NDC1: variants seen among roughly 807,000 people sequenced by gnomAD.
The protein encoded by NDC1 is NDC1 transmembrane nucleoporin.
NDC1 carries 24 observed loss-of-function variants against 89.8 expected under a neutral mutation model. The observed-to-expected ratio is 0.27, with a 90% CI of 0.19 to 0.38. The LOEUF (loss-of-function observed/expected upper bound fraction) is 0.38. NDC1 is among the 10% of genes least tolerant of loss of function. The probability of loss-of-function intolerance (pLI) is 1.00; values close to 1 mark genes in which losing one functional copy is unlikely to be tolerated. For missense variants in NDC1, 728 were observed against 797.6 expected (o/e 0.91, Z 1.05); for synonymous variants, 296 against 284.8 (o/e 1.04, Z -0.39).
intron 16 of NDC1, 34 bp from the exon 17 acceptor site, chr1:53,772,523 T>C (rs984824870): frequency 6.2e-7 from 1 of 1,601,390 alleles, no homozygotes; most frequent in Admixed American, 1.7e-5. Context: ...CAGTTTAGAT[T>C]ATAAAGAAAG....
At chr1:53,794,133 AC>A (rs1647617002) in intron 13 of NDC1, among the ~76,000 whole-genome samples, 1 of 151,628 alleles carries the variant, frequency 6.6e-6, no homozygotes, top group Non-Finnish European at 1.5e-5. Flanking sequence ...GCACCACCAC[AC>A]CCAGCTAATT....
At chr1:53,819,678 G>T (rs114225008) in intron 5 of NDC1, among the ~76,000 whole-genome samples, 1,987 of 152,282 alleles carry the variant, frequency 0.013, 50 homozygotes, top group African/African-American at 0.045. Flanking sequence ...CAAAAAAATG[G>T]GAGGCAGTGA....
chr1:53,823,019 A>G (rs1648726970), intron 5 of NDC1, among the ~76,000 whole-genome samples: 1 of 152,178 alleles, frequency 6.6e-6, no homozygotes, highest in African/African-American at 2.4e-5. Flanking sequence ...TGAAAGAAAG[A>G]TAAGCTACGG....
At chr1:53,791,633 A>T (rs530807969) in intron 14 of NDC1, among the ~76,000 whole-genome samples, 3 of 152,284 alleles carry the variant, frequency 2.0e-5, no homozygotes, top group South Asian at 2.1e-4. Context: ...ATTAAGTTAC[A>T]TTTTTTAACA....
intron 17 of NDC1, 93 bp downstream of exon 17, chr1:53,772,236 C>T (rs1647119663): frequency 4.4e-6 from 5 of 1,125,574 alleles, no homozygotes; most frequent in South Asian, 1.6e-5. Flanking sequence ...CAAAAGAACA[C>T]TTTCAACACA....
chr1:53,801,848 T>C (rs926849334), intron 10 of NDC1, among the ~76,000 whole-genome samples: 1 of 152,114 alleles, frequency 6.6e-6, no homozygotes, highest in Non-Finnish European at 1.5e-5. Context: ...CCTCTGCCTC[T>C]GGGGTTCAAG....
At chr1:53,792,167 C>T (rs1466986359) in intron 14 of NDC1, among the ~76,000 whole-genome samples, 1 of 152,104 alleles carries the variant, frequency 6.6e-6, no homozygotes, top group Non-Finnish European at 1.5e-5. Flanking sequence ...TGGTCTTGAT[C>T]TCCTGACCTC....
intron 10 of NDC1, among the ~76,000 whole-genome samples, chr1:53,803,668 C>T (rs1486406017): frequency 1.3e-5 from 2 of 152,154 alleles, no homozygotes; most frequent in African/African-American, 4.8e-5. Flanking sequence ...GCCTCCCAGG[C>T]TCACGCCATT....
chr1:53,835,553 A>C lies in NDC1; in HGVS notation c.125T>G (p.Val42Gly). 6.2e-7 allele frequency: 1 copy of C among 1,613,134 alleles called. No individual in the cohort carries two copies. Among genetic ancestry groups the C allele is most frequent in the Non-Finnish European group, 8.5e-7 (1 of 1,179,186 alleles). ...SVLFLPICTTVFIIFSRIDLF... is the reference protein window; with the variant it reads ...SVLFLPICTTGFIIFSRIDLF... ...ATCAATCCTGCTGAAAATTATAAATACTGTGGTGCAGATGGGTAGAAATAG... is the reference window on the plus strand; with the variant it reads ...ATCAATCCTGCTGAAAATTATAAATCCTGTGGTGCAGATGGGTAGAAATAG... Residue 42 changes from valine (V) to glycine (G), a missense_variant, in exon 2 of 18, where the codon GTA (valine) becomes GGA (glycine). Physicochemically the swap from Val to Gly is moderately radical, Grantham distance 109. Coordinates refer to ENST00000371429, the MANE Select transcript of NDC1 (RefSeq NM_018087.5).
At position 53,838,287 on chromosome 1, in the gene NDC1, C is replaced by A; in HGVS notation, c.-26G>T. 1 of 1,521,080 alleles carries A rather than the reference C, an allele frequency of 6.6e-7. No individual in the cohort carries two copies. Among genetic ancestry groups the A allele is most frequent in the Non-Finnish European group, 8.8e-7 (1 of 1,135,462 alleles). 94.2% of individuals were successfully genotyped at this position (1,521,080 alleles called of 1,614,324 possible). On this transcript the variant is annotated 5_prime_UTR_variant, in exon 1 of 18. Transcript: ENST00000371429. ...GGAGATGGCGGCCCCTAGTCTAGGG[C>A]GTACAGGAGACCGTGCGCCCGCCCG...
At chr1:53,814,409 A>G (rs1648413108) in intron 6 of NDC1, among the ~76,000 whole-genome samples, 1 of 152,150 alleles carries the variant, frequency 6.6e-6, no homozygotes, top group African/African-American at 2.4e-5. Context: ...AATGACAATA[A>G]TGACACAACC....
At chr1:53,818,392 G>T (rs778688692) in intron 6 of NDC1, among the ~76,000 whole-genome samples, 1 of 150,636 alleles carries the variant, frequency 6.6e-6, no homozygotes, top group Non-Finnish European at 1.5e-5. Context: ...AGTGAGCCAA[G>T]ATCGCGCCAT....
chr1:53,793,051 AGATGT>A (rs1647575072), intron 14 of NDC1, among the ~76,000 whole-genome samples, 173 bp downstream of exon 14: 2 of 152,232 alleles, frequency 1.3e-5, no homozygotes. Flanking sequence ...CACTGAAGTG[AGATGT>A]GTGTCTAGGG....
chr1:53,789,113 A>C lies in NDC1; in HGVS notation c.1699+20T>G. On this transcript the variant is annotated intron_variant, in intron 15 of 17. Transcript: ENST00000371429. ...AACTGACAATTAAAATCATAGTTAC[A>C]GTTCACAGTCATTGCTTACCTTCTA... is the stretch of plus-strand genomic sequence containing the variant. The C allele has an allele frequency of 6.7e-7, 1 of 1,503,662 alleles. No individual in the cohort carries two copies. 93.1% of individuals were successfully genotyped at this position (1,503,662 alleles called of 1,614,324 possible). A position where few individuals can be genotyped will look rare whatever the true frequency, so the allele number is the denominator to read the frequency against.
At chr1:53,822,743 T>C (rs1269635669) in intron 5 of NDC1, among the ~76,000 whole-genome samples, 4 of 152,060 alleles carry the variant, frequency 2.6e-5, no homozygotes, top group African/African-American at 9.7e-5. Context: ...AAAATAATGA[T>C]GATATAAACA....
chr1:53,799,243 T>A (rs1281041942), intron 11 of NDC1, among the ~76,000 whole-genome samples: 1 of 152,230 alleles, frequency 6.6e-6, no homozygotes, highest in Non-Finnish European at 1.5e-5. Flanking sequence ...TTATATTGTA[T>A]CATTATTTGT....
intron 14 of NDC1, among the ~76,000 whole-genome samples, chr1:53,790,032 G>A (rs1350362731): frequency 3.3e-5 from 5 of 151,928 alleles, no homozygotes; most frequent in Non-Finnish European, 5.9e-5. Flanking sequence ...GAATCCAGGA[G>A]GTCGAGATTG....
At chr1:53,778,489 AC>A (rs1299013155) in intron 16 of NDC1, among the ~76,000 whole-genome samples, 1 of 152,152 alleles carries the variant, frequency 6.6e-6, no homozygotes, top group Admixed American at 6.6e-5. Context: ...ATGGTGGCTC[AC>A]GCCTGTAATC....
chr1:53,825,944 GA>G lies in NDC1; in HGVS notation c.456-9del, dbSNP rs758747389. ...GCAGCAGGGCTACCAAAGCTGAAGG[GA>G]AAAAATTAAGTTATTAATTCAACAG... On this transcript the variant is annotated splice_polypyrimidine_tract_variant and intron_variant, in intron 4 of 17. Coordinates refer to ENST00000371429, the MANE Select transcript of NDC1 (RefSeq NM_018087.5). 4 of 1,608,732 alleles carry G rather than the reference GA, an allele frequency of 2.5e-6. No homozygotes were observed. The highest frequency in any genetic ancestry group is 2.7e-5 in the African/African-American group (2 of 74,776).
Sources: allele counts gnomAD v4.1 joint callset (sites outside exome capture counted in the v4.1 genomes callset), GRCh38; gene constraint gnomAD v4.1.1; transcripts MANE v1.5; gene names NCBI Gene and HGNC (gene_info 2026-07-23, HGNC 2026-07-21).